The following WWTR1 variants were observed in gnomAD, a reference collection of about 807,000 sequenced individuals.
The protein encoded by WWTR1 is WW domain containing transcription regulator 1, also known as WW domain-containing transcription regulator protein 1.
Under a neutral mutation model 40.1 loss-of-function variants are expected in WWTR1, and 13 were observed. That is an observed-to-expected ratio of 0.32 (90% CI 0.21 to 0.52). The LOEUF is 0.52. WWTR1 is among the 20% of genes least tolerant of loss of function. The probability of loss-of-function intolerance (pLI) is 0.97; values close to 1 mark genes in which losing one functional copy is unlikely to be tolerated. For missense variants in WWTR1, 436 were observed against 523.1 expected, an observed-to-expected ratio of 0.83 and a Z score of 1.63; for synonymous variants, 230 against 210.1, an observed-to-expected ratio of 1.09 and a Z score of -0.82.
chr3:149,637,385 C>T (rs1261058791), intron 2 of WWTR1, among the ~76,000 whole-genome samples: 1 of 151,794 alleles, frequency 6.6e-6, no homozygotes, highest in East Asian at 1.9e-4. Context: ...GCCACCATGC[C>T]CAGCTAATTT....
chr3:149,582,134 G>A (rs962814705), intron 2 of WWTR1, among the ~76,000 whole-genome samples: 5 of 152,086 alleles, frequency 3.3e-5, no homozygotes, highest in African/African-American at 7.2e-5. Flanking sequence ...TTCAGAAGGT[G>A]AACAGTTCAG....
At chr3:149,658,355 G>C (rs1713392883), upstream of WWTR1, 1 of 152,530 alleles carries the variant, frequency 6.6e-6, no homozygotes, top group Admixed American at 6.5e-5. Flanking sequence ...GTTTCATCAA[G>C]GGGTTGTGGA....
chr3:149,561,049 A>C (rs1737059762), intron 3 of WWTR1, among the ~76,000 whole-genome samples: 1 of 152,174 alleles, frequency 6.6e-6, no homozygotes, highest in African/African-American at 2.4e-5. Context: ...TTTTTTAAGA[A>C]ATGTTTATAT....
chr3:149,605,370 T>C (rs562494557), intron 2 of WWTR1, among the ~76,000 whole-genome samples: 1 of 152,158 alleles, frequency 6.6e-6, no homozygotes, highest in East Asian at 1.9e-4. Context: ...TGTAGTGACC[T>C]ACACTAGAAA....
At chr3:149,602,177 T>A (rs1739276081) in intron 2 of WWTR1, among the ~76,000 whole-genome samples, 1 of 152,200 alleles carries the variant, frequency 6.6e-6, no homozygotes, top group Admixed American at 6.5e-5. Flanking sequence ...GAGAAAAATG[T>A]ATCTACGTAG....
chr3:149,632,574 AACT>A (rs1184323537), intron 2 of WWTR1, among the ~76,000 whole-genome samples: 2 of 152,246 alleles, frequency 1.3e-5, no homozygotes, highest in African/African-American at 4.8e-5. Flanking sequence ...TGCTGTTGGC[AACT>A]GTAGAAGCCA....
chr3:149,697,023 C>T (rs1715015649), intron 1 of WWTR1, among the ~76,000 whole-genome samples: 1 of 152,224 alleles, frequency 6.6e-6, no homozygotes, highest in Admixed American at 6.5e-5. Context: ...TTTCTAACAG[C>T]TTTCCTCAGT....
At chr3:149,699,825 GTCT>G (rs1383503638) in intron 1 of WWTR1, among the ~76,000 whole-genome samples, 2 of 152,060 alleles carry the variant, frequency 1.3e-5, no homozygotes, top group Admixed American at 6.6e-5. Flanking sequence ...TCATCTTCCT[GTCT>G]TCTTCTGAGC....
intron 2 of WWTR1, among the ~76,000 whole-genome samples, chr3:149,631,879 T>C (rs1424183209): frequency 6.6e-6 from 1 of 152,170 alleles, no homozygotes; most frequent in Non-Finnish European, 1.5e-5. Flanking sequence ...GGAAGAGCTG[T>C]GAGGCATGAT....
chr3:149,634,040 T>A (rs969183224), intron 2 of WWTR1, among the ~76,000 whole-genome samples: 6 of 151,746 alleles, frequency 4.0e-5, no homozygotes, highest in Non-Finnish European at 5.9e-5. Flanking sequence ...TACAAATAAA[T>A]GATCACATCA....
rs886119968 is a variant in WWTR1 at position 149,572,980 on chromosome 3, G to A, written c.452C>T (p.Thr151Ile). ...YFLNHIEKIT[T>I]WQDPRKAMNQ... ...CATCGCCTTCCTAGGGTCTTGCCAT[G>A]TGGTGATTTTTTCTATGTGACTAAA... is the stretch of plus-strand genomic sequence containing the variant. The change falls in exon 3 of 7, where the codon ACA (threonine) becomes ATA (isoleucine). Residue 151 changes from threonine (T) to isoleucine (I), a missense_variant. By Grantham distance (89) the Thr-to-Ile change is moderately conservative. Coordinates refer to ENST00000360632, the MANE Select transcript of WWTR1 (RefSeq NM_015472.6). 1 of 1,593,144 alleles carries A rather than the reference G, an allele frequency of 6.3e-7. No individual in the cohort carries two copies. The highest frequency in any genetic ancestry group is 8.5e-7 in the Non-Finnish European group (1 of 1,174,914).
chr3:149,710,072 T>C (rs1407838977), intron 5 of WWTR1, among the ~76,000 whole-genome samples: 1 of 152,140 alleles, frequency 6.6e-6, no homozygotes, highest in African/African-American at 2.4e-5. Context: ...TTCTTCCCTC[T>C]GCTGATTCTC....
intron 3 of WWTR1, among the ~76,000 whole-genome samples, chr3:149,547,048 G>A (rs1451579911): frequency 6.6e-6 from 1 of 152,078 alleles, no homozygotes; most frequent in African/African-American, 2.4e-5. Context: ...ACTTGTGGTT[G>A]AGGTTCCTTA....
At chr3:149,641,594 A>G (rs1344110028) in intron 2 of WWTR1, among the ~76,000 whole-genome samples, 1 of 152,236 alleles carries the variant, frequency 6.6e-6, no homozygotes, top group Non-Finnish European at 1.5e-5. Context: ...TACGGCTAAT[A>G]ATTACAAAAG....
intron 4 of WWTR1, among the ~76,000 whole-genome samples, chr3:149,541,750 T>C (rs1736110136): frequency 1.3e-5 from 2 of 152,162 alleles, no homozygotes; most frequent in Non-Finnish European, 2.9e-5. Flanking sequence ...TGCTATGGAA[T>C]GAGTACCACT....
intron 5 of WWTR1, among the ~76,000 whole-genome samples, chr3:149,709,986 G>A (rs1203197663): frequency 1.3e-5 from 2 of 152,172 alleles, no homozygotes; most frequent in Non-Finnish European, 2.9e-5. Context: ...AACGGAATGA[G>A]GCTGGCTGCT....
Position 149,572,828 on chromosome 3 carries a change from AT to A in WWTR1, c.568+35del, listed in dbSNP as rs750617750. On this transcript the variant is annotated intron_variant, in intron 3 of 6. Transcript: ENST00000360632. Reference sequence around the variant, plus strand: ...GAGACCCCAACTCTACAAAAAAAAAATATCTTTTTTAATTTTAAAAAAGCTT... The same window carrying A: ...GAGACCCCAACTCTACAAAAAAAAAAATCTTTTTTAATTTTAAAAAAGCTT... 979 of 1,605,278 alleles carry A rather than the reference AT, an allele frequency of 6.1e-4. 4 individuals carry two copies. In the African/African-American group the frequency reaches 9.9e-3, roughly 16 times the overall value.
Position 149,655,081 on chromosome 3 carries a change from G to C in WWTR1, c.431+1795C>G, listed in dbSNP as rs749716815. ...GCGGAGCTTGCAGTGAGCCTAGATC[G>C]CGCCACTGCACTCCAGCCTGGGCGA... is the stretch of plus-strand genomic sequence containing the variant. On this transcript the variant is annotated intron_variant, in intron 2 of 6. Transcript: ENST00000360632. 3.3e-5 allele frequency among the ~76,000 whole-genome samples: 5 copies of C among 151,000 alleles called. No homozygotes were observed. The East Asian group carries it at 7.9e-4, about 24-fold the overall frequency.
intron 2 of WWTR1, among the ~76,000 whole-genome samples, chr3:149,581,676 G>T (rs565091189): frequency 6.6e-6 from 1 of 152,148 alleles, no homozygotes; most frequent in Non-Finnish European, 1.5e-5. Flanking sequence ...TGAATGAATG[G>T]CAGGGATTGT....
Sources: gnomAD v4.1 joint callset for allele counts (sites outside exome capture counted in the v4.1 genomes callset) on GRCh38, gnomAD v4.1.1 for gene constraint, MANE v1.5 for transcripts, NCBI Gene and HGNC (gene_info 2026-07-23, HGNC 2026-07-21) for gene names.